PTPRK: variants seen among roughly 807,000 people sequenced by gnomAD.
PTPRK encodes the protein receptor-type tyrosine-protein phosphatase kappa.
PTPRK carries 75 observed loss-of-function variants against 178.0 expected under a neutral mutation model. That is an observed-to-expected ratio of 0.42 (90% confidence interval 0.35 to 0.51). PTPRK has a LOEUF of 0.51. Among genes scored for constraint, PTPRK ranks in the 20% least tolerant of loss-of-function variants. PTPRK has a pLI of 0.02. For synonymous variants in PTPRK, 637 were observed against 620.6 expected (o/e 1.03, Z -0.39); for missense variants, 1,441 against 1,797.8 (o/e 0.80, Z 3.59).
At chr6:128,018,358 A>G (rs1779849021) in intron 13 of PTPRK, among the ~76,000 whole-genome samples, 1 of 152,142 alleles carries the variant, frequency 6.6e-6, no homozygotes, top group Admixed American at 6.6e-5. Flanking sequence ...CATTAATGCT[A>G]GGGTTAACTG....
chr6:128,298,284 G>A (rs576606945), intron 3 of PTPRK, among the ~76,000 whole-genome samples: 13 of 152,084 alleles, frequency 8.5e-5, no homozygotes, highest in African/African-American at 2.4e-4. Context: ...ATTCACAGCC[G>A]AATTCTACCA....
intron 1 of PTPRK, among the ~76,000 whole-genome samples, chr6:128,457,209 T>C (rs146590075): frequency 3.5e-4 from 53 of 152,240 alleles, no homozygotes; most frequent in African/African-American, 1.1e-3. Flanking sequence ...TCTATCTAAA[T>C]AGCACAGAAT....
chr6:127,994,972 C>T (rs1311896805), intron 18 of PTPRK, among the ~76,000 whole-genome samples: 2 of 151,778 alleles, frequency 1.3e-5, no homozygotes, highest in East Asian at 3.9e-4. Flanking sequence ...GAATAAAAGC[C>T]AGAAACAGAA....
intron 1 of PTPRK, among the ~76,000 whole-genome samples, chr6:128,514,191 C>T (rs1857585507): frequency 6.6e-6 from 1 of 152,224 alleles, no homozygotes; most frequent in Non-Finnish European, 1.5e-5. Flanking sequence ...GTATAGTATA[C>T]AGTATAGATT....
At chr6:128,493,855 T>TA (rs1201857459) in intron 1 of PTPRK, among the ~76,000 whole-genome samples, 3 of 152,216 alleles carry the variant, frequency 2.0e-5, no homozygotes, top group African/African-American at 7.2e-5. Context: ...CTTCTCCAGA[T>TA]ACAGCCAGTA....
chr6:128,507,041 T>C (rs2128440789), intron 1 of PTPRK, among the ~76,000 whole-genome samples: 1 of 152,178 alleles, frequency 6.6e-6, no homozygotes, highest in East Asian at 1.9e-4. Context: ...TACTTTCCCA[T>C]TTTGAATATG....
chr6:128,309,045 T>C (rs1489946444), intron 3 of PTPRK, among the ~76,000 whole-genome samples: 1 of 152,190 alleles, frequency 6.6e-6, no homozygotes, highest in African/African-American at 2.4e-5. Flanking sequence ...CCATTCTCTA[T>C]ATTAAATGTC....
At chr6:127,988,281 T>C (rs984533785) in intron 21 of PTPRK, among the ~76,000 whole-genome samples, 1 of 149,946 alleles carries the variant, frequency 6.7e-6, no homozygotes, top group Non-Finnish European at 1.5e-5. Flanking sequence ...TCTGATTCTG[T>C]TATCATCATT....
Position 128,360,933 on chromosome 6 carries a change from C to CTTTT in PTPRK, c.223+36632_223+36633insAAAA, listed in dbSNP as rs1475963652. Among the ~76,000 whole-genome samples, 175 of 152,174 alleles carry CTTTT rather than the reference C, an allele frequency of 1.1e-3. 2 individuals carry two copies. Among genetic ancestry groups the CTTTT allele is most frequent in the Non-Finnish European group, 1.2e-3 (83 of 67,974 alleles). Reference sequence around the variant, plus strand: ...TAACCTGTGTCATAATTCAGAAATACTGAATTTTTTGAAATACTGAAAATG... The same window carrying CTTTT: ...TAACCTGTGTCATAATTCAGAAATACTTTTTGAATTTTTTGAAATACTGAAAATG... On this transcript the variant is annotated intron_variant, in intron 2 of 29. Coordinates refer to ENST00000368226, the MANE Select transcript of PTPRK (RefSeq NM_002844.4).
intron 10 of PTPRK, 88 bp downstream of exon 10, chr6:128,082,349 A>G: frequency 1.6e-6 from 2 of 1,234,452 alleles, no homozygotes; most frequent in Admixed American, 1.7e-5. Flanking sequence ...AAGATGAACT[A>G]CACTTGGTTT....
intron 11 of PTPRK, among the ~76,000 whole-genome samples, chr6:128,075,712 G>A (rs1783694321): frequency 1.3e-5 from 2 of 151,992 alleles, no homozygotes; most frequent in South Asian, 2.1e-4. Flanking sequence ...ATCCATTGGC[G>A]ATTTTAGCTT....
intron 8 of PTPRK, among the ~76,000 whole-genome samples, chr6:128,084,548 T>G (rs2115006841): frequency 6.6e-6 from 1 of 152,276 alleles, no homozygotes; most frequent in South Asian, 2.1e-4. Context: ...CACAACTACT[T>G]TGGAAGTGTC....
At chr6:128,411,544 G>A (rs1842310009) in intron 1 of PTPRK, among the ~76,000 whole-genome samples, 2 of 152,148 alleles carry the variant, frequency 1.3e-5, no homozygotes, top group African/African-American at 4.8e-5. Context: ...GCAGATATAA[G>A]TAGCAGCAAA....
At position 128,322,245 on chromosome 6, in the gene PTPRK, T is replaced by C. The variant is rs142881943; in HGVS notation, c.289A>G (p.Thr97Ala). The C allele has an allele frequency of 8.5e-4, 1,363 of 1,612,868 alleles. 14 individuals are homozygous for C. The East Asian group carries it at 0.021, about 25-fold the overall frequency. ...CAGTGAGTGTCGTTCTCCTTCATTG[T>C]AGGCAGCTGAAGTCTGGCTTTTTCT... ...PGEKARLQLP[T>A]MKENDTHCID... Residue 97 changes from threonine to alanine, a missense_variant, in exon 3 of 30, where the codon ACA becomes GCA. Coordinates refer to ENST00000368226, the MANE Select transcript of PTPRK (RefSeq NM_002844.4).
chr6:128,287,422 T>C (rs981009805), intron 3 of PTPRK, among the ~76,000 whole-genome samples: 3 of 152,204 alleles, frequency 2.0e-5, no homozygotes, highest in African/African-American at 7.2e-5. Flanking sequence ...TGAGCAAATC[T>C]TTCATGAGCA....
intron 3 of PTPRK, among the ~76,000 whole-genome samples, chr6:128,289,128 A>G (rs1248121152): frequency 6.6e-6 from 1 of 152,100 alleles, no homozygotes; most frequent in African/African-American, 2.4e-5. Context: ...GTTCTACTAA[A>G]GATATGGAAA....
At chr6:127,981,323 G>T in intron 24 of PTPRK, 34 bp from the exon 25 acceptor site, 1 of 1,573,592 alleles carries the variant, frequency 6.4e-7, no homozygotes, top group East Asian at 2.3e-5. Flanking sequence ...TTAAAAGACA[G>T]TGTGACCCAT....
In PTPRK at chr6:128,137,064, GAGCTATACTCTGCAGGGGACAAA is replaced by G. The variant is rs1795121161; in HGVS notation, c.1163-47095_1163-47073del. Among the ~76,000 whole-genome samples, 4 of 152,290 alleles carry G rather than the reference GAGCTATACTCTGCAGGGGACAAA, an allele frequency of 2.6e-5. No homozygotes were observed. The East Asian group carries it at 7.7e-4, about 29-fold the overall frequency. ...TTTGCTTGTAGGGTTCCACTTGTGA[GAGCTATACTCTGCAGGGGACAAA>G]ATATAACCATGTCCCCTCCTCCCTA... On this transcript the variant is annotated intron_variant, in intron 7 of 29. Coordinates refer to ENST00000368226, the MANE Select transcript of PTPRK (RefSeq NM_002844.4).
intron 1 of PTPRK, among the ~76,000 whole-genome samples, chr6:128,481,721 A>C (rs1476774709): frequency 1.3e-5 from 2 of 152,090 alleles, no homozygotes; most frequent in Non-Finnish European, 2.9e-5. Flanking sequence ...AATTATAATT[A>C]TAATACTGTT....
Sources: gnomAD v4.1 joint callset for allele counts (sites outside exome capture counted in the v4.1 genomes callset) on GRCh38, gnomAD v4.1.1 for gene constraint, MANE v1.5 for transcripts, NCBI Gene and HGNC (gene_info 2026-07-23, HGNC 2026-07-21) for gene names.